The following TROAP variants were observed in gnomAD, a reference collection of about 807,000 sequenced individuals.
TROAP encodes tastin.
Under a neutral mutation model 83.4 loss-of-function variants are expected in TROAP, and 62 were observed. The observed-to-expected ratio is 0.74, with a 90% CI of 0.61 to 0.92. The LOEUF (loss-of-function observed/expected upper bound fraction) is 0.92, where lower values mean the gene tolerates loss of function less well. Among genes scored for constraint, TROAP ranks in the 40% least tolerant of loss-of-function variants. The pLI is 0.00. For synonymous variants in TROAP, 352 were observed against 386.4 expected (o/e 0.91, Z 1.04); for missense variants, 876 against 985.1 (o/e 0.89, Z 1.48).
Position 49,323,634 on chromosome 12 carries a change from A to C in TROAP, c.26A>C (p.Asp9Ala). 1 of 1,613,992 alleles carries C rather than the reference A, an allele frequency of 6.2e-7. No individual in the cohort carries two copies. Among genetic ancestry groups the C allele is most frequent in the Non-Finnish European group, 8.5e-7 (1 of 1,179,976 alleles). The change falls in exon 2 of 15, where the codon GAT becomes GCT. Residue 9 changes from aspartate (D) to alanine (A), a missense_variant. Asp to Ala is a moderately radical substitution (Grantham distance 126). Transcript: ENST00000257909. ...ATGACCACCCGGCAAGCCACGAAGG[A>C]TCCCCTCCTCCGGGGTGTATCTCCT... Reference protein sequence around the residue: MTTRQATKDPLLRGVSPTP... With the variant: MTTRQATKAPLLRGVSPTP...
intron 3 of TROAP, 82 bp downstream of exon 3, chr12:49,324,119 G>A: frequency 6.2e-7 from 1 of 1,613,960 alleles, no homozygotes; most frequent in Non-Finnish European, 8.5e-7. Flanking sequence ...TTGGGGTTTT[G>A]CACTCACTCC....
rs139865143 is a variant in TROAP at position 49,324,764 on chromosome 12, T to C, written c.337+727T>C. 1.0e-4 allele frequency among the ~76,000 whole-genome samples: 15 copies of C among 150,682 alleles called. No homozygotes were observed. In the East Asian group the frequency reaches 2.9e-3, roughly 29 times the overall value. ...TTTTTTTGTGGAGACAGAGTCTTAC[T>C]CTATCCCTCAGGCTAGAGTACAGTG... On this transcript the variant is annotated intron_variant, in intron 3 of 14. Coordinates refer to ENST00000257909, the MANE Select transcript of TROAP (RefSeq NM_005480.4).
intron 3 of TROAP, chr12:49,324,312 G>C: frequency 1.1e-6 from 1 of 946,514 alleles, no homozygotes; most frequent in Non-Finnish European, 1.7e-6. Flanking sequence ...TTGGAGACCA[G>C]CCTGGATGAC....
At chr12:49,324,986 T>C (rs369005522) in intron 3 of TROAP, among the ~76,000 whole-genome samples, 9 of 149,282 alleles carry the variant, frequency 6.0e-5, no homozygotes, top group East Asian at 5.9e-4. Context: ...TCTTGGCTCA[T>C]TGCAACCTCC....
intron 6 of TROAP, among the ~76,000 whole-genome samples, chr12:49,326,377 TGGG>T (rs1418597947): frequency 2.6e-5 from 4 of 151,962 alleles, no homozygotes; most frequent in Non-Finnish European, 5.9e-5. Flanking sequence ...ACTCAAGTCA[TGGG>T]GGGACAGGGA....
In TROAP at chr12:49,329,687, C is replaced by T. The variant is rs895689743; in HGVS notation, c.1165-170C>T. Reference sequence around the variant, plus strand: ...CTAAAATTTTAAAAATTAGAAAGTGCTCTCTGGAAAAGCTGCCTAACTCTC... The same window carrying T: ...CTAAAATTTTAAAAATTAGAAAGTGTTCTCTGGAAAAGCTGCCTAACTCTC... On this transcript the variant is annotated intron_variant, in intron 11 of 14. Transcript: ENST00000257909. This position sits in a 1 kb window ranked among gnomAD's most constrained non-coding sequence, Gnocchi z 4.5. The T allele has an allele frequency of 8.7e-7, 1 of 1,145,856 alleles. No homozygotes were observed. The highest frequency in any genetic ancestry group is 1.5e-5 in the South Asian group (1 of 65,540). 71.0% of individuals were successfully genotyped at this position (1,145,856 alleles called of 1,614,324 possible).
chr12:49,329,220 G>A lies in TROAP; in HGVS notation c.1080G>A (p.Met360Ile), dbSNP rs1358250844. 6.2e-7 allele frequency: 1 copy of A among 1,614,204 alleles called. No individual in the cohort carries two copies. The highest frequency in any genetic ancestry group is 8.5e-7 in the Non-Finnish European group (1 of 1,180,038). ...AACCTAAAACCCGGTTCACACCCAT[G>A]CCATCAACCCCCAGAGTTCAGCAGG... ...TVQPKTRFTP[M>I]PSTPRVQQAQ... Residue 360 changes from methionine to isoleucine, a missense_variant, in exon 10 of 15, where the codon ATG becomes ATA. Met to Ile is a conservative substitution (Grantham distance 10). Coordinates refer to ENST00000257909, the MANE Select transcript of TROAP (RefSeq NM_005480.4). The surrounding 1 kb of genome is among the most constrained non-coding windows in gnomAD (Gnocchi z 4.5).
chr12:49,330,391 C>T lies in TROAP; in HGVS notation c.1546C>T (p.Pro516Ser), dbSNP rs1279400259. The change falls in exon 13 of 15, where the codon CCT (proline) becomes TCT (serine). Residue 516 changes from proline to serine, a missense_variant. Physicochemically the swap from Pro to Ser is moderately conservative, Grantham distance 74. Coordinates refer to ENST00000257909, the MANE Select transcript of TROAP (RefSeq NM_005480.4). ...PEECGEPQPC[P>S]PAEPGPPEAF... ...GGAGTGCGGGGAACCACAGCCCTGC[C>T]CTCCGGCAGAGCCTGGGCCCCCAGA... is the stretch of plus-strand genomic sequence containing the variant. 1 of 1,614,174 alleles carries T rather than the reference C, an allele frequency of 6.2e-7. No individual in the cohort carries two copies. The highest frequency in any genetic ancestry group is 8.5e-7 in the Non-Finnish European group (1 of 1,179,994).
chr12:49,330,410 C>T lies in TROAP; in HGVS notation c.1565C>T (p.Pro522Leu). The change falls in exon 13 of 15, where the codon CCC (proline) becomes CTC (leucine). Residue 522 changes from proline (P) to leucine (L), a missense_variant. Pro to Leu is a moderately conservative substitution (Grantham distance 98). This residue lies in a region of TROAP where 689 missense variants were observed against 722.6 expected (regional missense o/e 0.95). Coordinates refer to ENST00000257909, the MANE Select transcript of TROAP (RefSeq NM_005480.4). The part of the protein sequence containing the change: ...PQPCPPAEPG[P>L]PEAFCRSEPE... ...CCCTGCCCTCCGGCAGAGCCTGGGC[C>T]CCCAGAGGCCTTCTGTAGGAGTGAG... 1 of 1,614,174 alleles carries T rather than the reference C, an allele frequency of 6.2e-7. No individual in the cohort carries two copies. The highest frequency in any genetic ancestry group is 8.5e-7 in the Non-Finnish European group (1 of 1,179,998).
At position 49,323,688 on chromosome 12, in the gene TROAP, A is replaced by C; in HGVS notation, c.80A>C (p.Gln27Pro). 6.2e-7 allele frequency: 1 copy of C among 1,614,186 alleles called. No homozygotes were observed. Among genetic ancestry groups the C allele is most frequent in the South Asian group, 1.1e-5 (1 of 91,082 alleles). Residue 27 changes from glutamine to proline, a missense_variant, in exon 2 of 15, where the codon CAG becomes CCG. This residue lies in a region of TROAP where 689 missense variants were observed against 722.6 expected (regional missense o/e 0.95). Coordinates refer to ENST00000257909, the MANE Select transcript of TROAP (RefSeq NM_005480.4). ...CCTAGCAAGATTCCGGTACGCTCTCAGAAACGCACGCCTTTCCCCACTGTT... is the reference window on the plus strand; with the variant it reads ...CCTAGCAAGATTCCGGTACGCTCTCCGAAACGCACGCCTTTCCCCACTGTT... The part of the protein sequence containing the change: ...PTPSKIPVRS[Q>P]KRTPFPTVTS...
chr12:49,330,116 T>C (rs765157263), intron 12 of TROAP, 29 bp from the exon 13 acceptor site: 2 of 1,609,122 alleles, frequency 1.2e-6, no homozygotes, highest in Non-Finnish European at 8.5e-7. Context: ...CATCTTGATG[T>C]CACACTGGGG....
At chr12:49,331,482 C>T in intron 14 of TROAP, 75 bp downstream of exon 14, 1 of 1,610,024 alleles carries the variant, frequency 6.2e-7, no homozygotes, top group Admixed American at 1.7e-5. Flanking sequence ...GGACAGGGGG[C>T]CACCTGGGCT....
chr12:49,323,350 G>T lies in TROAP; in HGVS notation c.-6+1G>T. On this transcript the variant is annotated splice_donor_variant, in intron 1 of 14. Coordinates refer to ENST00000257909, the MANE Select transcript of TROAP (RefSeq NM_005480.4). LOFTEE classifies it low-confidence loss of function (5UTR_SPLICE). Reference sequence around the variant, plus strand: ...GTAGGCCCTGAGGGGCCTCGGTAAGGTAAGGCACGGGGGTCTTGAAGGGAA... The same window carrying T: ...GTAGGCCCTGAGGGGCCTCGGTAAGTTAAGGCACGGGGGTCTTGAAGGGAA... 2.1e-6 allele frequency: 1 copy of T among 468,736 alleles called. No individual in the cohort carries two copies. Among genetic ancestry groups the T allele is most frequent in the Non-Finnish European group, 3.8e-6 (1 of 263,216 alleles). The allele number at this position is 468,736 out of a possible 1,614,324, so 29.0% of individuals were successfully genotyped here.
rs770633076 is a variant in TROAP at position 49,327,346 on chromosome 12, C to T, written c.891+16C>T. On this transcript the variant is annotated intron_variant, in intron 8 of 14. Transcript: ENST00000257909. ...ACATACCAGGGTGAGATGCGACTCT[C>T]CTGGGATGGTGGGTGGGAGGTGCAG... 6.2e-6 allele frequency: 10 copies of T among 1,611,446 alleles called. No individual in the cohort carries two copies. Among genetic ancestry groups the T allele is most frequent in the East Asian group, 2.2e-5 (1 of 44,796 alleles).
rs572832892 is a variant in TROAP, at chr12:49,331,698, G to A, written c.*81G>A. 3.3e-5 allele frequency: 51 copies of A among 1,567,182 alleles called. No individual in the cohort carries two copies. Among genetic ancestry groups the A allele is most frequent in the Admixed American group, 2.5e-4 (15 of 59,638 alleles). On this transcript the variant is annotated 3_prime_UTR_variant, in exon 15 of 15. Coordinates refer to ENST00000257909, the MANE Select transcript of TROAP (RefSeq NM_005480.4). The stretch of plus-strand genomic sequence containing the variant: ...CGGTCTGCCCATGGGACTGGGAGCC[G>A]CCCACTTTTGTCCTCAATAAAGTTT...
At chr12:49,326,767 T>C in intron 7 of TROAP, 47 bp downstream of exon 7, 1 of 1,546,214 alleles carries the variant, frequency 6.5e-7, no homozygotes, top group Non-Finnish European at 8.8e-7. Context: ...TTGGGCTGCC[T>C]GAAGCAGGGA....
At chr12:49,326,546 C>A (rs1943504052) in intron 6 of TROAP, 122 bp from the exon 7 acceptor site, 1 of 1,146,350 alleles carries the variant, frequency 8.7e-7, no homozygotes, top group Non-Finnish European at 1.2e-6. Context: ...GTGAGAATAA[C>A]ATTTGTACCA....
At chr12:49,324,064 G>T (rs747897453) in intron 3 of TROAP, 27 bp downstream of exon 3, 47 of 1,611,630 alleles carry the variant, frequency 2.9e-5, no homozygotes, top group Non-Finnish European at 3.6e-5. Context: ...TGGTAACACG[G>T]CCTCCATGGC....
At chr12:49,325,697 A>G (rs754438016) in intron 4 of TROAP, 39 bp downstream of exon 4, 6 of 1,612,730 alleles carry the variant, frequency 3.7e-6, no homozygotes. Flanking sequence ...GCTAGGGGGC[A>G]CTGAGGGGGG....
Sources: gnomAD v4.1 joint callset for allele counts (sites outside exome capture counted in the v4.1 genomes callset) on GRCh38, gnomAD v4.1.1 for gene constraint, gnomAD v4.1.1 regional missense constraint, Gnocchi (gnomAD v3.1) non-coding constraint, MANE v1.5 for transcripts, NCBI Gene and HGNC (gene_info 2026-07-23, HGNC 2026-07-21) for gene names.